NLGN4Y: variants seen among roughly 807,000 people sequenced by gnomAD.
The protein encoded by NLGN4Y is neuroligin-4, Y-linked.
NLGN4Y carries 4 observed loss-of-function variants against 8.4 expected under a neutral mutation model. The observed-to-expected ratio is 0.48, with a 90% confidence interval of 0.23 to 1.09. The LOEUF (loss-of-function observed/expected upper bound fraction) is 1.09, where lower values mean the gene tolerates loss of function less well. Ranked by LOEUF, NLGN4Y falls within the 50% of genes least tolerant of loss-of-function variation. The pLI is 0.19. For missense variants in NLGN4Y, 90 were observed against 192.3 expected, an observed-to-expected ratio of 0.47 and a Z score of 3.15; for synonymous variants, 35 against 75.6, an observed-to-expected ratio of 0.46 and a Z score of 2.78.
intron 4 of NLGN4Y, among the ~76,000 whole-genome samples, chrY:14,755,591 G>C: frequency 8.8e-5 from 3 of 34,097 alleles, no homozygotes; most frequent in African/African-American, 3.4e-4. Flanking sequence ...AGCACTTTGG[G>C]AGGCCAAGAC....
intron 4 of NLGN4Y, among the ~76,000 whole-genome samples, chrY:14,759,870 C>T (rs2081075281): frequency 3.0e-5 from 1 of 33,213 alleles, no homozygotes; most frequent in Non-Finnish European, 7.4e-5. Flanking sequence ...AGAAAATGCT[C>T]TCATTTATAT....
At chrY:14,611,377 AT>A in intron 1 of NLGN4Y, among the ~76,000 whole-genome samples, 1 of 20,839 alleles carries the variant, frequency 4.8e-5, no homozygotes, top group Middle Eastern at 0.025. Context: ...AGTAGCTGAT[AT>A]CTTTTTTTTT....
At chrY:14,608,591 T>A in intron 1 of NLGN4Y, among the ~76,000 whole-genome samples, 1 of 32,712 alleles carries the variant, frequency 3.1e-5, no homozygotes, top group African/African-American at 1.2e-4. Flanking sequence ...TACCGTGCTG[T>A]TTTGGTTACT....
chrY:14,841,704 ACTCTATAGG>A lies in NLGN4Y; in HGVS notation c.*445_*453del. Reference sequence around the variant, plus strand: ...GATGGCTCTTCTTAAGTGAAGAAAGACTCTATAGGCTTTTACACAGCACATGAAGCAGTA... The same window carrying A: ...GATGGCTCTTCTTAAGTGAAGAAAGACTTTTACACAGCACATGAAGCAGTA... On this transcript the variant is annotated 3_prime_UTR_variant, in exon 7 of 7. Coordinates refer to ENST00000684976, the MANE Select transcript of NLGN4Y (RefSeq NM_001365588.1). 8.2e-6 allele frequency: 1 copy of A among 121,481 alleles called. No homozygotes were observed. Among genetic ancestry groups the A allele is most frequent in the Non-Finnish European group, 1.8e-5 (1 of 56,215 alleles). 30.3% of individuals were successfully genotyped at this position (121,481 alleles called of 400,897 possible).
chrY:14,840,925 A>C lies in NLGN4Y; in HGVS notation c.2174A>C (p.His725Pro). Residue 725 changes from histidine to proline, a missense_variant, in exon 7 of 7, where the codon CAT becomes CCT. Physicochemically the swap from His to Pro is moderately conservative, Grantham distance 77. Around this residue, in one of 4 missense-constraint regions of NLGN4Y, gnomAD observed 37 missense variants for 94.0 expected, o/e 0.39. Transcript: ENST00000684976. ...TACTACAAAAAGGACAAGAGGCGCCATGAGACTCACAGGCACCCCAGTCCC... is the reference window on the plus strand; with the variant it reads ...TACTACAAAAAGGACAAGAGGCGCCCTGAGACTCACAGGCACCCCAGTCCC... ...ALYYKKDKRR[H>P]ETHRHPSPQR... 2.5e-6 allele frequency: 1 copy of C among 399,133 alleles called. No individual in the cohort carries two copies. The highest frequency in any genetic ancestry group is 9.2e-5 in the East Asian group (1 of 10,853).
chrY:14,555,047 T>G (rs2080206767), intron 1 of NLGN4Y, among the ~76,000 whole-genome samples: 1 of 33,519 alleles, frequency 3.0e-5, no homozygotes, highest in Non-Finnish European at 7.3e-5. Flanking sequence ...CTAAATTACT[T>G]CATATAATTA....
intron 1 of NLGN4Y, among the ~76,000 whole-genome samples, chrY:14,620,760 G>A: frequency 3.0e-5 from 1 of 33,496 alleles, no homozygotes. Context: ...GTCCCTAGAG[G>A]ATCATTTGAC....
At chrY:14,724,061 T>A in intron 4 of NLGN4Y, among the ~76,000 whole-genome samples, 1 of 33,871 alleles carries the variant, frequency 3.0e-5, no homozygotes, top group African/African-American at 1.1e-4. Flanking sequence ...ATTAAAATGA[T>A]GTAGAAAATA....
intron 2 of NLGN4Y, among the ~76,000 whole-genome samples, chrY:14,696,340 C>G (rs775024350): frequency 9.3e-5 from 3 of 32,239 alleles, no homozygotes; most frequent in Non-Finnish European, 1.5e-4. Flanking sequence ...AACAGGGTAG[C>G]TTAAAACAAC....
chrY:14,640,104 C>T, intron 2 of NLGN4Y: 4 of 115,510 alleles, frequency 3.5e-5, no homozygotes, highest in African/African-American at 2.0e-4. Context: ...CTGAATTGAA[C>T]GAACACCATC....
At chrY:14,641,269 C>T in intron 2 of NLGN4Y, among the ~76,000 whole-genome samples, 1 of 32,960 alleles carries the variant, frequency 3.0e-5, no homozygotes, top group Non-Finnish European at 7.4e-5. Flanking sequence ...GTATTTGCTG[C>T]TTTCACGTAA....
chrY:14,734,611 T>A (rs2080986546), intron 4 of NLGN4Y, among the ~76,000 whole-genome samples: 1 of 33,822 alleles, frequency 3.0e-5, no homozygotes, highest in Non-Finnish European at 7.3e-5. Context: ...TACACATGTT[T>A]CCTGACTTTG....
intron 1 of NLGN4Y, among the ~76,000 whole-genome samples, chrY:14,557,015 A>C: frequency 3.0e-5 from 1 of 33,793 alleles, no homozygotes; most frequent in African/African-American, 1.2e-4. Flanking sequence ...GAAGCTAGGC[A>C]GTGTTGTGAT....
At chrY:14,834,009 AAAAAAAAAAG>A (rs2043188792) in intron 6 of NLGN4Y, among the ~76,000 whole-genome samples, 7 of 31,925 alleles carry the variant, frequency 2.2e-4, no homozygotes, top group Non-Finnish European at 4.5e-4. Flanking sequence ...CTATTAAAAA[AAAAAAAAAAG>A]AAAAAAAAAG....
Position 14,622,277 on chromosome Y carries a change from G to A in NLGN4Y, c.158G>A (p.Gly53Asp), listed in dbSNP as rs776846897. ...AQYPVVNTNY[G>D]KIQGLRTPLP... ...TATCCAGTTGTCAACACAAATTATG[G>A]TAAAATCCAGGGCCTAAGAACACCA... The change falls in exon 2 of 7, where the codon GGT becomes GAT. Residue 53 changes from glycine to aspartate, a missense_variant. Gly to Asp is a moderately conservative substitution (Grantham distance 94). Transcript: ENST00000684976. The A allele has an allele frequency of 2.5e-6, 1 of 398,893 alleles. No homozygotes were observed. Among genetic ancestry groups the A allele is most frequent in the Non-Finnish European group, 3.5e-6 (1 of 283,622 alleles).
chrY:14,687,845 T>A, intron 2 of NLGN4Y, among the ~76,000 whole-genome samples: 1 of 33,558 alleles, frequency 3.0e-5, no homozygotes, highest in Non-Finnish European at 7.4e-5. Context: ...TGATAAATCA[T>A]GTGTCAGAGT....
intron 2 of NLGN4Y, among the ~76,000 whole-genome samples, chrY:14,700,772 G>T: frequency 3.0e-5 from 1 of 33,236 alleles, no homozygotes; most frequent in Admixed American, 2.8e-4. Context: ...TTTTAAGAAG[G>T]CTACAAAGTA....
chrY:14,713,330 A>C, intron 2 of NLGN4Y, among the ~76,000 whole-genome samples: 1 of 34,022 alleles, frequency 2.9e-5, no homozygotes. Flanking sequence ...AGTGGCAATA[A>C]AATTAATATA....
At chrY:14,633,454 C>T (rs984263120) in intron 2 of NLGN4Y, among the ~76,000 whole-genome samples, 2 of 33,314 alleles carry the variant, frequency 6.0e-5, no homozygotes, top group Non-Finnish European at 1.5e-4. Context: ...CAGCCTCCCA[C>T]GTAGCTGGGA....
Sources: allele counts gnomAD v4.1 joint callset (sites outside exome capture counted in the v4.1 genomes callset), GRCh38; gene constraint gnomAD v4.1.1; regional missense constraint gnomAD v4.1.1; transcripts MANE v1.5; gene names NCBI Gene and HGNC (gene_info 2026-07-23, HGNC 2026-07-21).